The following PPP2CA variants were observed in gnomAD, a reference collection of about 807,000 sequenced individuals.
PPP2CA encodes protein phosphatase 2 catalytic subunit alpha.
In PPP2CA, 5 loss-of-function variants were observed where a neutral mutation model predicts 38.8. That is an observed-to-expected ratio of 0.13 (90% confidence interval 0.07 to 0.27). The LOEUF is 0.27. PPP2CA is among the 10% of genes least tolerant of loss of function. The pLI, the probability that PPP2CA is intolerant of heterozygous loss-of-function variation, is 1.00. For missense variants in PPP2CA, 88 were observed against 389.7 expected (o/e 0.23, Z 6.52); for synonymous variants, 152 against 134.0 (o/e 1.13, Z -0.93).
Position 134,197,673 on chromosome 5 carries a change from G to C in PPP2CA, c.*99C>G. 3 of 976,644 alleles carry C rather than the reference G, an allele frequency of 3.1e-6. No individual in the cohort carries two copies. Among genetic ancestry groups the C allele is most frequent in the African/African-American group, 3.2e-5 (2 of 61,708 alleles). 60.5% of individuals were successfully genotyped at this position (976,644 alleles called of 1,614,324 possible). ...CCATGTGAAAACAAGTTTTTTGAATGTTAACTATTTTCTGACACTTTGGAG... is the reference window on the plus strand; with the variant it reads ...CCATGTGAAAACAAGTTTTTTGAATCTTAACTATTTTCTGACACTTTGGAG... On this transcript the variant is annotated 3_prime_UTR_variant, in exon 7 of 7. Coordinates refer to ENST00000481195, the MANE Select transcript of PPP2CA (RefSeq NM_002715.4).
chr5:134,206,681 G>A (rs1172505522), intron 1 of PPP2CA, among the ~76,000 whole-genome samples: 3 of 152,170 alleles, frequency 2.0e-5, no homozygotes, highest in East Asian at 3.9e-4. Flanking sequence ...TTGTAGAGAC[G>A]GGGTCTCACG....
chr5:134,199,790 ATTT>A (rs958315449), intron 5 of PPP2CA, among the ~76,000 whole-genome samples: 1 of 150,976 alleles, frequency 6.6e-6, no homozygotes, highest in Non-Finnish European at 1.5e-5. Context: ...ATTGTTCACA[ATTT>A]CTTTACCTTT....
intron 1 of PPP2CA, among the ~76,000 whole-genome samples, chr5:134,216,157 A>T (rs1338258895): frequency 6.6e-6 from 1 of 152,210 alleles, no homozygotes; most frequent in Non-Finnish European, 1.5e-5. Context: ...TACGAGTTCC[A>T]ATATTTGGGG....
In PPP2CA at chr5:134,197,347, A is replaced by G. The variant is rs1580634411; in HGVS notation, c.*425T>C. On this transcript the variant is annotated 3_prime_UTR_variant, in exon 7 of 7. Coordinates refer to ENST00000481195, the MANE Select transcript of PPP2CA (RefSeq NM_002715.4). The stretch of plus-strand genomic sequence containing the variant: ...CACAAGTAGAAGGGAGGCCTTGGTA[A>G]TTATTTTTAAAAATGTTCATTAAGC... The G allele has an allele frequency of 6.4e-6, 1 of 156,172 alleles. No individual in the cohort carries two copies. The highest frequency in any genetic ancestry group is 1.4e-5 in the Non-Finnish European group (1 of 70,342). 9.7% of individuals were successfully genotyped at this position (156,172 alleles called of 1,614,324 possible).
intron 1 of PPP2CA, among the ~76,000 whole-genome samples, chr5:134,207,883 T>C (rs920237909): frequency 6.6e-6 from 1 of 152,194 alleles, no homozygotes; most frequent in Non-Finnish European, 1.5e-5. Flanking sequence ...AACCCATTAT[T>C]ATCAAATCCT....
intron 1 of PPP2CA, among the ~76,000 whole-genome samples, chr5:134,211,637 CT>C (rs1762204627): frequency 1.5e-5 from 1 of 68,362 alleles, no homozygotes; most frequent in Non-Finnish European, 3.1e-5. Flanking sequence ...CCACTCCCAG[CT>C]AATTTTTTTT....
At chr5:134,204,881 A>G (rs986234124) in intron 2 of PPP2CA, among the ~76,000 whole-genome samples, 2 of 152,052 alleles carry the variant, frequency 1.3e-5, no homozygotes, top group Non-Finnish European at 2.9e-5. Context: ...TTTACAGCAA[A>G]TGTTTTCTTG....
At chr5:134,222,404 T>C (rs1762464752) in intron 1 of PPP2CA, among the ~76,000 whole-genome samples, 2 of 152,132 alleles carry the variant, frequency 1.3e-5, no homozygotes. Flanking sequence ...GCTCATCTAA[T>C]TAGAAGGAAG....
chr5:134,200,580 T>C, intron 4 of PPP2CA, 84 bp from the exon 5 acceptor site: 2 of 1,433,764 alleles, frequency 1.4e-6, no homozygotes, highest in Non-Finnish European at 1.9e-6. Context: ...AGCAGCACCC[T>C]AAGCCACCCT....
intron 3 of PPP2CA, 54 bp downstream of exon 3, chr5:134,201,794 C>T (rs1761972074): frequency 1.9e-6 from 3 of 1,567,906 alleles, no homozygotes; most frequent in Non-Finnish European, 1.7e-6. Flanking sequence ...CACCTGAACA[C>T]TAAAGAAAGC....
At chr5:134,210,174 A>C (rs765833709) in intron 1 of PPP2CA, among the ~76,000 whole-genome samples, 7 of 152,184 alleles carry the variant, frequency 4.6e-5, no homozygotes, top group Non-Finnish European at 7.3e-5. Context: ...AGGCCTTATA[A>C]ATCCTGAAAG....
In PPP2CA at chr5:134,197,178, C is replaced by G. The variant is rs891941523; in HGVS notation, c.*594G>C. 2.0e-5 allele frequency: 3 copies of G among 152,868 alleles called. No individual in the cohort carries two copies. The highest frequency in any genetic ancestry group is 7.2e-5 in the African/African-American group (3 of 41,430). The allele number at this position is 152,868 out of a possible 1,614,324, so 9.5% of individuals were successfully genotyped here. ...CTTACAGGAAGGGGAAAAAACAGTT[C>G]TGTTCAAAACAACTCACCAGGTTCT... On this transcript the variant is annotated 3_prime_UTR_variant, in exon 7 of 7. Coordinates refer to ENST00000481195, the MANE Select transcript of PPP2CA (RefSeq NM_002715.4).
chr5:134,206,831 T>C (rs1257161161), intron 1 of PPP2CA, among the ~76,000 whole-genome samples: 2 of 152,222 alleles, frequency 1.3e-5, no homozygotes, highest in Admixed American at 6.5e-5. Flanking sequence ...TGCTCAACCA[T>C]CTGTACCAGC....
chr5:134,213,416 G>A (rs564318553), intron 1 of PPP2CA, among the ~76,000 whole-genome samples: 13 of 148,026 alleles, frequency 8.8e-5, no homozygotes, highest in Non-Finnish European at 1.2e-4. Context: ...CTACTGCTCA[G>A]AAAAAAAAAA....
intron 2 of PPP2CA, among the ~76,000 whole-genome samples, chr5:134,203,944 G>GT (rs1762022418): frequency 6.6e-6 from 1 of 152,140 alleles, no homozygotes; most frequent in Non-Finnish European, 1.5e-5. Context: ...ACTCTTAAAG[G>GT]TAGCACATTC....
rs1039766574 is a variant in PPP2CA at position 134,222,922 on chromosome 5, CTT to C, written c.102+2836_102+2837del. 3.9e-5 allele frequency among the ~76,000 whole-genome samples: 6 copies of C among 152,206 alleles called. No individual in the cohort carries two copies. In the East Asian group the frequency reaches 7.7e-4, roughly 20 times the overall value. ...CAGTAACATAAAAACCATGTTCACT[CTT>C]GTCTTTTATAAATGCATACTTAGAT... On this transcript the variant is annotated intron_variant, in intron 1 of 6. Coordinates refer to ENST00000481195, the MANE Select transcript of PPP2CA (RefSeq NM_002715.4).
chr5:134,206,113 T>C lies in PPP2CA; in HGVS notation c.121A>G (p.Lys41Glu), dbSNP rs766469253. The C allele has an allele frequency of 1.9e-6, 3 of 1,614,052 alleles. No homozygotes were observed. Among genetic ancestry groups the C allele is most frequent in the East Asian group, 2.2e-5 (1 of 44,868 alleles). ...CGAACCTCTTGCACGTTGGATTCTT[T>C]TGTCAGGATTTCTTTAGCCTACAGA... The part of the protein sequence containing the change: ...LCEKAKEILT[K>E]ESNVQEVRCP... The change falls in exon 2 of 7, where the codon AAA (lysine) becomes GAA (glutamate). Residue 41 changes from lysine to glutamate, a missense_variant. By Grantham distance (56) the Lys-to-Glu change is moderately conservative (BLOSUM62 1). This residue lies in a region of PPP2CA where 34 missense variants were observed against 57.1 expected (regional missense o/e 0.60). Transcript: ENST00000481195.
intron 1 of PPP2CA, among the ~76,000 whole-genome samples, chr5:134,214,764 TTTTG>T (rs55855219): frequency 0.77 from 117,040 of 151,540 alleles, 45,646 homozygotes; most frequent in Non-Finnish European, 0.82. Context: ...CTTTTTGGCA[TTTTG>T]TTTCTCTTAT....
rs981272064 is a variant in PPP2CA, at chr5:134,194,657, T to A, written c.*3115A>T. 2 of 152,304 alleles carry A rather than the reference T, an allele frequency of 1.3e-5. No individual in the cohort carries two copies. The highest frequency in any genetic ancestry group is 2.9e-5 in the Non-Finnish European group (2 of 68,098). 9.4% of individuals were successfully genotyped at this position (152,304 alleles called of 1,614,324 possible). A position where few individuals can be genotyped will look rare whatever the true frequency, so the allele number is the denominator to read the frequency against. ...GGAGTTTTGCTCTTTTTGCCCAGGC[T>A]GGAGTGCAATGGCACGATCTGGGCT... On this transcript the variant is annotated 3_prime_UTR_variant, in exon 7 of 7. Coordinates refer to ENST00000481195, the MANE Select transcript of PPP2CA (RefSeq NM_002715.4).
Sources: allele counts gnomAD v4.1 joint callset (sites outside exome capture counted in the v4.1 genomes callset), GRCh38; gene constraint gnomAD v4.1.1; regional missense constraint gnomAD v4.1.1; transcripts MANE v1.5; gene names NCBI Gene and HGNC (gene_info 2026-07-23, HGNC 2026-07-21).